Variants in FGD3 observed in about 807,000 individuals in gnomAD.
FGD3 encodes FYVE, RhoGEF and PH domain containing 3.
Under a neutral mutation model 71.8 loss-of-function variants are expected in FGD3, and 45 were observed. The ratio of observed to expected loss-of-function variants is 0.63; its 90% CI spans 0.49 to 0.80. The LOEUF (loss-of-function observed/expected upper bound fraction) is 0.80, where lower values mean the gene tolerates loss of function less well. Ranked by LOEUF, FGD3 falls within the 30% of genes least tolerant of loss-of-function variation. The pLI, the probability that FGD3 is intolerant of heterozygous loss-of-function variation, is 0.00. For synonymous variants in FGD3, 378 were observed against 392.8 expected (o/e 0.96, Z 0.44); for missense variants, 844 against 951.5 (o/e 0.89, Z 1.49).
chr9:92,948,492 C>T (rs1443033840), intron 1 of FGD3, among the ~76,000 whole-genome samples: 1 of 152,212 alleles, frequency 6.6e-6, no homozygotes, highest in Non-Finnish European at 1.5e-5. Context: ...GTTTCCTATG[C>T]TCTGTGTCTG....
Position 92,976,478 on chromosome 9 carries a change from G to A in FGD3, c.222G>A (p.Arg74=), listed in dbSNP as rs916376954. The A allele has an allele frequency of 6.2e-7, 1 of 1,612,120 alleles. No individual in the cohort carries two copies. Among genetic ancestry groups the A allele is most frequent in the African/African-American group, 1.3e-5 (1 of 75,036 alleles). ...ELSGSLKIPN[R]DSGIDSPSSS... Reference sequence around the variant, plus strand: ...GTGGTAGCTTAAAGATCCCCAACCGGGACAGCGGGATCGACAGTCCCTCCT... The same window carrying A: ...GTGGTAGCTTAAAGATCCCCAACCGAGACAGCGGGATCGACAGTCCCTCCT... The change falls in exon 3 of 18, where the codon CGG becomes CGA. Residue 74 remains arginine, a synonymous_variant. Coordinates refer to ENST00000375482, the MANE Select transcript of FGD3 (RefSeq NM_001083536.2).
chr9:93,016,333 TTC>T (rs1861686691), intron 10 of FGD3, among the ~76,000 whole-genome samples: 1 of 136,904 alleles, frequency 7.3e-6, no homozygotes, highest in Non-Finnish European at 1.6e-5. Context: ...CAGAATGACC[TTC>T]TTTTTTTTTT....
intron 14 of FGD3, among the ~76,000 whole-genome samples, chr9:93,028,197 GACACACAC>G (rs371150500): frequency 2.0e-5 from 3 of 147,224 alleles, no homozygotes; most frequent in African/African-American, 7.5e-5. Flanking sequence ...CCCTAGCCCC[GACACACAC>G]ACACACACAC....
rs145868231 is a variant in FGD3 at position 93,003,090 on chromosome 9, T to C, written c.543+76T>C. The C allele has an allele frequency of 3.6e-4, 487 of 1,352,862 alleles. 7 individuals carry two copies. The East Asian group carries it at 0.011, about 31-fold the overall frequency. 83.8% of individuals were successfully genotyped at this position (1,352,862 alleles called of 1,614,324 possible). On this transcript the variant is annotated intron_variant, in intron 4 of 17. Transcript: ENST00000375482. The surrounding 1 kb of genome is among the most constrained non-coding windows in gnomAD (Gnocchi z 4.1). Reference sequence around the variant, plus strand: ...GCATTATAGGTGCAGTGTGAATGACTTAAATACTAAAACTCAGACAAATTT... The same window carrying C: ...GCATTATAGGTGCAGTGTGAATGACCTAAATACTAAAACTCAGACAAATTT...
At chr9:92,991,585 T>C (rs1249121019) in intron 3 of FGD3, among the ~76,000 whole-genome samples, 1 of 152,240 alleles carries the variant, frequency 6.6e-6, no homozygotes, top group Non-Finnish European at 1.5e-5. Context: ...TTGTCAGTCC[T>C]GGAGAATATT....
rs369654835 is a variant in FGD3 at position 93,029,856 on chromosome 9, C to T, written c.1558-18C>T. On this transcript the variant is annotated intron_variant, in intron 14 of 17. Coordinates refer to ENST00000375482, the MANE Select transcript of FGD3 (RefSeq NM_001083536.2). ...CACATGATTCAGAAGCTGATGGCAT[C>T]TATTTGCCTCCTTATAGCTCGAGCC... 2.5e-6 allele frequency: 4 copies of T among 1,609,734 alleles called. No homozygotes were observed. Among genetic ancestry groups the T allele is most frequent in the South Asian group, 1.1e-5 (1 of 90,744 alleles).
At chr9:92,949,032 C>T (rs10992552) in intron 1 of FGD3, among the ~76,000 whole-genome samples, 8,260 of 152,284 alleles carry the variant, frequency 0.054, 361 homozygotes, top group South Asian at 0.2. Flanking sequence ...GTTATGACAG[C>T]TCATCCCTTG....
At chr9:93,024,714 G>A (rs546529092) in intron 14 of FGD3, among the ~76,000 whole-genome samples, 2 of 152,374 alleles carry the variant, frequency 1.3e-5, no homozygotes, top group Non-Finnish European at 2.9e-5. Flanking sequence ...TGGGCGGGTT[G>A]TAGGAACAGC....
intron 11 of FGD3, among the ~76,000 whole-genome samples, chr9:93,018,587 G>C (rs1343028518): frequency 3.9e-5 from 6 of 152,226 alleles, no homozygotes; most frequent in African/African-American, 1.4e-4. Flanking sequence ...TCATTGTCTG[G>C]ATGTGGTGAC....
chr9:93,002,610 G>A (rs1860897180), intron 3 of FGD3, among the ~76,000 whole-genome samples: 1 of 152,118 alleles, frequency 6.6e-6, no homozygotes, highest in Non-Finnish European at 1.5e-5. Context: ...CAGGTGCTCT[G>A]GCCCATATAT....
intron 3 of FGD3, among the ~76,000 whole-genome samples, chr9:92,996,421 A>C (rs1860646252): frequency 6.6e-6 from 1 of 152,168 alleles, no homozygotes; most frequent in South Asian, 2.1e-4. Flanking sequence ...CTTTTCAAAA[A>C]ACCAGCTCCT....
intron 1 of FGD3, among the ~76,000 whole-genome samples, chr9:92,972,452 C>CAAA: frequency 1.6e-5 from 1 of 63,140 alleles, no homozygotes; most frequent in African/African-American, 5.1e-5. Context: ...GACTCCATCT[C>CAAA]AAAAAAAAAA....
At chr9:92,968,625 A>T in intron 1 of FGD3, among the ~76,000 whole-genome samples, 1 of 136,832 alleles carries the variant, frequency 7.3e-6, no homozygotes, top group South Asian at 2.3e-4. Context: ...TTTTTTTGAC[A>T]CGGAGTCTCA....
intron 1 of FGD3, among the ~76,000 whole-genome samples, chr9:92,974,993 A>C (rs1859670573): frequency 6.6e-6 from 1 of 152,212 alleles, no homozygotes; most frequent in Non-Finnish European, 1.5e-5. Flanking sequence ...CCAGCCGAGC[A>C]AGACACTGCC....
At chr9:93,027,916 A>G (rs1172455354) in intron 14 of FGD3, among the ~76,000 whole-genome samples, 2 of 151,682 alleles carry the variant, frequency 1.3e-5, no homozygotes, top group African/African-American at 2.4e-5. Flanking sequence ...ACGGGGTCTC[A>G]CTATGTCGCC....
At chr9:92,993,231 G>T (rs1446017473) in intron 3 of FGD3, among the ~76,000 whole-genome samples, 1 of 152,090 alleles carries the variant, frequency 6.6e-6, no homozygotes, top group African/African-American at 2.4e-5. Context: ...TCCTGAGTAG[G>T]GGGGACTGTA....
Position 93,011,202 on chromosome 9 carries a change from T to G in FGD3, c.977-12T>G, listed in dbSNP as rs1861350835. On this transcript the variant is annotated splice_polypyrimidine_tract_variant and intron_variant, in intron 7 of 17. Transcript: ENST00000375482. ...CCGTGGCCCCAGGCTGAACACAGTC[T>G]TCTTCCTGCAGGGTCCTTGGAGCTC... 2 of 1,614,100 alleles carry G rather than the reference T, an allele frequency of 1.2e-6. No individual in the cohort carries two copies. The highest frequency in any genetic ancestry group is 2.7e-5 in the African/African-American group (2 of 75,046).
At chr9:93,024,314 C>CA (rs1437406805) in intron 14 of FGD3, among the ~76,000 whole-genome samples, 10 of 152,222 alleles carry the variant, frequency 6.6e-5, no homozygotes, top group African/African-American at 2.4e-4. Context: ...AGCCCACACC[C>CA]ATGCATATGA....
At chr9:93,006,692 A>C (rs1220171184) in intron 6 of FGD3, among the ~76,000 whole-genome samples, 1 of 151,976 alleles carries the variant, frequency 6.6e-6, no homozygotes, top group Non-Finnish European at 1.5e-5. Flanking sequence ...CATGCATGTC[A>C]CAGATTATTT....
Sources: allele counts gnomAD v4.1 joint callset (sites outside exome capture counted in the v4.1 genomes callset), GRCh38; gene constraint gnomAD v4.1.1; non-coding constraint Gnocchi (gnomAD v3.1); transcripts MANE v1.5; gene names NCBI Gene and HGNC (gene_info 2026-07-23, HGNC 2026-07-21).